SERPINB3: variants seen among roughly 807,000 people sequenced by gnomAD.
The protein encoded by SERPINB3 is serpin family B member 3.
Under a neutral mutation model 33.0 loss-of-function variants are expected in SERPINB3, and 33 were observed. That is an observed-to-expected ratio of 1.00 (90% confidence interval 0.76 to 1.34). The LOEUF is 1.34. SERPINB3 is among the 40% of genes most tolerant of loss of function. The pLI, the probability that SERPINB3 is intolerant of heterozygous loss-of-function variation, is 0.00. For missense variants in SERPINB3, 518 were observed against 461.5 expected, an observed-to-expected ratio of 1.12 and a Z score of -1.12; for synonymous variants, 200 against 170.9, an observed-to-expected ratio of 1.17 and a Z score of -1.33.
intron 1 of SERPINB3, 141 bp from the exon 2 acceptor site, chr18:63,661,383 C>T (rs1429289815): frequency 2.2e-6 from 2 of 912,918 alleles, no homozygotes; most frequent in Non-Finnish European, 3.3e-6. Flanking sequence ...TTTAACGTTT[C>T]AATCTTTCTA....
intron 3 of SERPINB3, among the ~76,000 whole-genome samples, chr18:63,660,536 T>C (rs1208709425): frequency 6.6e-6 from 1 of 152,134 alleles, no homozygotes; most frequent in African/African-American, 2.4e-5. Context: ...GTTCACCATT[T>C]GTGAAGAGCA....
intron 3 of SERPINB3, among the ~76,000 whole-genome samples, chr18:63,660,302 T>A (rs921563062): frequency 5.3e-5 from 8 of 152,182 alleles, no homozygotes; most frequent in East Asian, 1.9e-4. Context: ...TATTCCTCTT[T>A]ATCTCATTAA....
At chr18:63,658,362 A>C in intron 5 of SERPINB3, 151 bp downstream of exon 5, 1 of 624,684 alleles carries the variant, frequency 1.6e-6, no homozygotes, top group Non-Finnish European at 2.8e-6. Flanking sequence ...CTTCATAATC[A>C]TTTGGAAAAA....
chr18:63,656,752 G>C (rs768532787), intron 7 of SERPINB3, 79 bp downstream of exon 7: 58 of 1,477,954 alleles, frequency 3.9e-5, no homozygotes, highest in Middle Eastern at 2.5e-4. Context: ...TCGGTCACCA[G>C]CTTTTACCTT....
At position 63,655,868 on chromosome 18, in the gene SERPINB3, C is replaced by T. The variant is rs140650845; in HGVS notation, c.962G>A (p.Arg321His). ...DADLSGMTGS[R>H]GLVLSGVLHK... ...TAGGACTCCAGATAGCACGAGACCG[C>T]GGCTCCCGGTCATGCCTGAGAGGTC... is the stretch of plus-strand genomic sequence containing the variant. Residue 321 changes from arginine (R) to histidine (H), a missense_variant, in exon 8 of 8, where the codon CGC becomes CAC. Arg to His is a conservative substitution (Grantham distance 29). Coordinates refer to ENST00000283752, the MANE Select transcript of SERPINB3 (RefSeq NM_006919.3). 3.7e-5 allele frequency: 60 copies of T among 1,613,924 alleles called. No individual in the cohort carries two copies. Among genetic ancestry groups the T allele is most frequent in the Middle Eastern group, 1.7e-4 (1 of 6,058 alleles).
Position 63,655,459 on chromosome 18 carries a change from T to C in SERPINB3, c.*198A>G, listed in dbSNP as rs1913466622. ...AGGAGAATTTTTCTGGAAGAAAAAGTACATTTATATGTGGGCTTATTAAGA... is the reference window on the plus strand; with the variant it reads ...AGGAGAATTTTTCTGGAAGAAAAAGCACATTTATATGTGGGCTTATTAAGA... On this transcript the variant is annotated 3_prime_UTR_variant, in exon 8 of 8. Coordinates refer to ENST00000283752, the MANE Select transcript of SERPINB3 (RefSeq NM_006919.3). 1.8e-6 allele frequency: 1 copy of C among 564,990 alleles called. No individual in the cohort carries two copies. Among genetic ancestry groups the C allele is most frequent in the Non-Finnish European group, 2.9e-6 (1 of 342,104 alleles). The allele number at this position is 564,990 out of a possible 1,614,324, so 35.0% of individuals were successfully genotyped here. A position where few individuals can be genotyped will look rare whatever the true frequency, so the allele number is the denominator to read the frequency against.
intron 3 of SERPINB3, among the ~76,000 whole-genome samples, chr18:63,660,071 T>C (rs1913602263): frequency 6.6e-6 from 1 of 152,156 alleles, no homozygotes; most frequent in African/African-American, 2.4e-5. Context: ...TTTACATGGG[T>C]AACTTTAAGT....
rs1913469138 is a variant in SERPINB3, at chr18:63,655,566, T to C, written c.*91A>G. On this transcript the variant is annotated 3_prime_UTR_variant, in exon 8 of 8. Transcript: ENST00000283752. ...ATCAAGATGAGAAAGAAAAGAAATA[T>C]GAGCCAAGAGAATCTGTTGTTGCCA... 6 of 1,340,650 alleles carry C rather than the reference T, an allele frequency of 4.5e-6. No homozygotes were observed. In the South Asian group the frequency reaches 4.8e-5, roughly 11 times the overall value. 83.0% of individuals were successfully genotyped at this position (1,340,650 alleles called of 1,614,324 possible).
rs892731216 is a variant in SERPINB3, at chr18:63,658,574, A to C, written c.408T>G (p.Phe136Leu). 1 of 1,613,190 alleles carries C rather than the reference A, an allele frequency of 6.2e-7. No individual in the cohort carries two copies. The highest frequency in any genetic ancestry group is 1.3e-5 in the African/African-American group (1 of 74,886). Residue 136 changes from phenylalanine (F) to leucine (L), a missense_variant, in exon 5 of 8, where the codon TTT becomes TTG. Coordinates refer to ENST00000283752, the MANE Select transcript of SERPINB3 (RefSeq NM_006919.3). The stretch of plus-strand genomic sequence containing the variant: ...TTCGACTTTCTTCTGGAGCATTTGC[A>C]AAATCAACAGATTCCACACTGGTCT... ...FYQTSVESVD[F>L]ANAPEESRKK...
chr18:63,659,513 T>C lies in SERPINB3; in HGVS notation c.237A>G (p.Gly79=). Residue 79 remains glycine, a synonymous_variant, in exon 4 of 8, where the codon GGA becomes GGG. Transcript: ENST00000283752. ...GCTTTTGAAACTGGTGATGAACATT[T>C]CCTGACCTATCAACCTTCAAACATC... The part of the protein sequence containing the change: ...KAATYHVDRS[G]NVHHQFQKLL... The C allele has an allele frequency of 6.2e-7, 1 of 1,613,566 alleles. No homozygotes were observed. The highest frequency in any genetic ancestry group is 8.5e-7 in the Non-Finnish European group (1 of 1,179,640).
intron 5 of SERPINB3, among the ~76,000 whole-genome samples, chr18:63,657,721 G>T (rs1200216802): frequency 3.1e-4 from 46 of 150,374 alleles, no homozygotes; most frequent in African/African-American, 1.1e-3. Context: ...AACTGATTTT[G>T]TCTACTCTTT....
intron 2 of SERPINB3, 90 bp from the exon 3 acceptor site, chr18:63,660,946 C>T (rs924881060): frequency 1.2e-6 from 2 of 1,610,040 alleles, no homozygotes; most frequent in Non-Finnish European, 1.7e-6. Flanking sequence ...TCCTGCTCAG[C>T]CCCCTGTGCT....
chr18:63,660,781 A>T lies in SERPINB3; in HGVS notation c.222+19T>A, dbSNP rs1598939732. On this transcript the variant is annotated intron_variant, in intron 3 of 7. Transcript: ENST00000283752. ...CTGTTCGGGGATCTAAAGCTGAACC[A>T]TAGTGCTCTGTGACTCACATGATAT... The T allele has an allele frequency of 1.1e-5, 17 of 1,613,272 alleles. No homozygotes were observed. The highest frequency in any genetic ancestry group is 1.4e-5 in the Non-Finnish European group (17 of 1,179,516).
At chr18:63,659,000 T>C (rs1396413517) in intron 4 of SERPINB3, among the ~76,000 whole-genome samples, 2 of 152,170 alleles carry the variant, frequency 1.3e-5, no homozygotes, top group African/African-American at 4.8e-5. Flanking sequence ...GCATTCAGTA[T>C]TTCCTGGTAC....
intron 4 of SERPINB3, 183 bp downstream of exon 4, chr18:63,659,216 T>G: frequency 1.5e-6 from 1 of 651,186 alleles, no homozygotes; most frequent in Non-Finnish European, 2.7e-6. Context: ...ACTTCAGTGA[T>G]GTATTGTTAG....
At chr18:63,657,035 A>G (rs1890303461) in intron 6 of SERPINB3, 49 bp from the exon 7 acceptor site, 1 of 1,490,610 alleles carries the variant, frequency 6.7e-7, no homozygotes, top group Admixed American at 1.8e-5. Flanking sequence ...ACACAAGGCA[A>G]AAAGATAATA....
chr18:63,659,859 G>A (rs1913596417), intron 3 of SERPINB3, among the ~76,000 whole-genome samples: 2 of 152,152 alleles, frequency 1.3e-5, no homozygotes, highest in Non-Finnish European at 2.9e-5. Flanking sequence ...TTAAAGGCAA[G>A]GACCATATTT....
intron 7 of SERPINB3, among the ~76,000 whole-genome samples, chr18:63,656,437 T>A (rs1301305442): frequency 2.0e-5 from 3 of 152,188 alleles, no homozygotes; most frequent in Non-Finnish European, 4.4e-5. Context: ...CTCATCTTAT[T>A]TTTCTGTATA....
In SERPINB3 at chr18:63,659,254, T is replaced by C. The variant is rs1750645869; in HGVS notation, c.351+145A>G. ...TCTGGGACACTCCAGTGGGGGAGAG[T>C]TGTGGAAACGGAGCTATTGCACTCT... On this transcript the variant is annotated intron_variant, in intron 4 of 7. Coordinates refer to ENST00000283752, the MANE Select transcript of SERPINB3 (RefSeq NM_006919.3). 12 of 823,696 alleles carry C rather than the reference T, an allele frequency of 1.5e-5. No homozygotes were observed. The South Asian group carries it at 1.8e-4, about 13-fold the overall frequency. The allele number at this position is 823,696 out of a possible 1,614,324, so 51.0% of individuals were successfully genotyped here.
Sources: allele counts gnomAD v4.1 joint callset (sites outside exome capture counted in the v4.1 genomes callset), GRCh38; gene constraint gnomAD v4.1.1; transcripts MANE v1.5; gene names NCBI Gene and HGNC (gene_info 2026-07-23, HGNC 2026-07-21).